The following PPP3R1 variants were observed in gnomAD, a reference collection of about 807,000 sequenced individuals.
PPP3R1 encodes calcineurin subunit B type 1.
Under a neutral mutation model 22.6 loss-of-function variants are expected in PPP3R1, and 5 were observed. The ratio of observed to expected loss-of-function variants is 0.22; its 90% confidence interval spans 0.12 to 0.46. The LOEUF (loss-of-function observed/expected upper bound fraction) is 0.46, where lower values mean the gene tolerates loss of function less well. Among genes scored for constraint, PPP3R1 ranks in the 20% least tolerant of loss-of-function variants. PPP3R1 has a pLI of 0.99. For synonymous variants in PPP3R1, 56 were observed against 65.2 expected, an observed-to-expected ratio of 0.86 and a Z score of 0.68; for missense variants, 61 against 203.2, an observed-to-expected ratio of 0.30 and a Z score of 4.25.
At chr2:68,226,324 T>C (rs960942802) in intron 1 of PPP3R1, among the ~76,000 whole-genome samples, 1 of 152,190 alleles carries the variant, frequency 6.6e-6, no homozygotes. Context: ...CATAGGTAAG[T>C]TGTACCTCAA....
chr2:68,222,171 C>T (rs1669697682), intron 1 of PPP3R1, among the ~76,000 whole-genome samples: 1 of 151,944 alleles, frequency 6.6e-6, no homozygotes, highest in Non-Finnish European at 1.5e-5. Context: ...CATATGACAA[C>T]AGCACAAAAG....
chr2:68,218,854 GTTATCAATTC>G (rs1470828513), intron 1 of PPP3R1, among the ~76,000 whole-genome samples: 1 of 151,858 alleles, frequency 6.6e-6, no homozygotes, highest in Non-Finnish European at 1.5e-5. Context: ...CCTTTACAGT[GTTATCAATTC>G]TTTCTAAATG....
chr2:68,182,100 G>A (rs913434367), intron 5 of PPP3R1, among the ~76,000 whole-genome samples: 2 of 77,074 alleles, frequency 2.6e-5, no homozygotes, highest in Non-Finnish European at 4.6e-5. Context: ...ACACACACAC[G>A]ACCAGTAGCT....
intron 1 of PPP3R1, among the ~76,000 whole-genome samples, chr2:68,225,060 G>A (rs1392161677): frequency 5.9e-5 from 9 of 152,226 alleles, no homozygotes; most frequent in Admixed American, 5.9e-4. Flanking sequence ...TGTAACTGAA[G>A]ATGTGGAATA....
At chr2:68,204,499 T>C (rs920802661) in intron 2 of PPP3R1, among the ~76,000 whole-genome samples, 18 of 152,246 alleles carry the variant, frequency 1.2e-4, no homozygotes, top group African/African-American at 3.9e-4. Flanking sequence ...CTATGAAACA[T>C]GATGGCCTAA....
chr2:68,248,664 T>A (rs1670282066), intron 1 of PPP3R1, among the ~76,000 whole-genome samples: 1 of 152,192 alleles, frequency 6.6e-6, no homozygotes, highest in South Asian at 2.1e-4. Context: ...GCTCCAAATG[T>A]ACATTGTCTC....
At chr2:68,200,823 C>G (rs532866498) in intron 2 of PPP3R1, among the ~76,000 whole-genome samples, 159 of 152,272 alleles carry the variant, frequency 1.0e-3, no homozygotes, top group African/African-American at 3.4e-3. Flanking sequence ...GACGTCCTTT[C>G]TAACCCTTCT....
At chr2:68,245,597 C>T (rs949003057) in intron 1 of PPP3R1, among the ~76,000 whole-genome samples, 2 of 152,212 alleles carry the variant, frequency 1.3e-5, no homozygotes, top group African/African-American at 2.4e-5. Context: ...TCCTCATCAT[C>T]AGTTTCTAAC....
intron 1 of PPP3R1, among the ~76,000 whole-genome samples, chr2:68,225,195 C>T (rs1411813236): frequency 6.6e-6 from 1 of 152,174 alleles, no homozygotes. Context: ...AAGGATTTTG[C>T]ACATGTAATT....
At chr2:68,182,053 G>C (rs1339171237) in intron 5 of PPP3R1, among the ~76,000 whole-genome samples, 1 of 137,988 alleles carries the variant, frequency 7.2e-6, no homozygotes, top group East Asian at 2.2e-4. Context: ...CCAGTCACCA[G>C]ACATCTCCCC....
chr2:68,179,104 G>A lies in PPP3R1; in HGVS notation c.*1859C>T, dbSNP rs1282161941. 6.6e-6 allele frequency: 1 copy of A among 151,552 alleles called. No homozygotes were observed. Among genetic ancestry groups the A allele is most frequent in the Non-Finnish European group, 1.5e-5 (1 of 67,894 alleles). The allele number at this position is 151,552 out of a possible 1,614,324, so 9.4% of individuals were successfully genotyped here. The stretch of plus-strand genomic sequence containing the variant: ...CCAGCCAAGATATGCACAAGCAAGA[G>A]AAATAGAAAGCATTTGCTAAAATAT... On this transcript the variant is annotated 3_prime_UTR_variant, in exon 6 of 6. Transcript: ENST00000234310.
intron 5 of PPP3R1, among the ~76,000 whole-genome samples, chr2:68,182,033 C>T (rs1166222985): frequency 3.3e-5 from 5 of 151,384 alleles, no homozygotes. Flanking sequence ...ATAACCAGCA[C>T]CCAGATCTTC....
At chr2:68,191,434 C>G (rs1377474497) in intron 2 of PPP3R1, among the ~76,000 whole-genome samples, 1 of 152,108 alleles carries the variant, frequency 6.6e-6, no homozygotes, top group Admixed American at 6.5e-5. Flanking sequence ...AAATGGTACA[C>G]CTGTATAGGG....
intron 5 of PPP3R1, 61 bp from the exon 6 acceptor site, chr2:68,181,071 T>C (rs1674389290): frequency 6.7e-7 from 1 of 1,497,120 alleles, no homozygotes; most frequent in South Asian, 1.1e-5. Flanking sequence ...ATTCGTGGTC[T>C]AACTACTTCA....
intron 2 of PPP3R1, among the ~76,000 whole-genome samples, chr2:68,193,865 A>C (rs1320836802): frequency 6.6e-6 from 1 of 152,106 alleles, no homozygotes; most frequent in Non-Finnish European, 1.5e-5. Context: ...TAAATACTGA[A>C]GAACAAATTC....
At chr2:68,186,382 C>A in intron 5 of PPP3R1, 86 bp downstream of exon 5, 2 of 1,335,630 alleles carry the variant, frequency 1.5e-6, no homozygotes, top group Non-Finnish European at 2.0e-6. Context: ...GTTTTTAGGA[C>A]AAAATATGGA....
chr2:68,192,090 T>G (rs1674679076), intron 2 of PPP3R1, among the ~76,000 whole-genome samples: 1 of 152,140 alleles, frequency 6.6e-6, no homozygotes, highest in African/African-American at 2.4e-5. Context: ...TTGATTAAAA[T>G]TCCATCAGTA....
intron 1 of PPP3R1, among the ~76,000 whole-genome samples, chr2:68,239,100 C>A (rs1021075770): frequency 2.0e-5 from 3 of 152,058 alleles, no homozygotes; most frequent in Non-Finnish European, 2.9e-5. Flanking sequence ...AGGAAAAATG[C>A]ATAAAGATCT....
intron 1 of PPP3R1, among the ~76,000 whole-genome samples, chr2:68,250,151 G>GGAAAAA (rs1670317975): frequency 6.7e-6 from 1 of 150,364 alleles, no homozygotes; most frequent in Non-Finnish European, 1.5e-5. Flanking sequence ...GGATGAAAGA[G>GGAAAAA]GAAAAAAAAA....
Sources: gnomAD v4.1 joint callset for allele counts (sites outside exome capture counted in the v4.1 genomes callset) on GRCh38, gnomAD v4.1.1 for gene constraint, MANE v1.5 for transcripts, NCBI Gene and HGNC (gene_info 2026-07-23, HGNC 2026-07-21) for gene names.